The following TENM4 variants were observed in gnomAD, a reference collection of about 807,000 sequenced individuals.
TENM4 encodes teneurin-4.
A neutral mutation model predicts 243.3 loss-of-function variants in TENM4; 82 were observed. The ratio of observed to expected loss-of-function variants is 0.34; its 90% CI spans 0.28 to 0.40. The LOEUF is 0.40. Among genes scored for constraint, TENM4 ranks in the 10% least tolerant of loss-of-function variants. TENM4 has a pLI of 1.00. For missense variants in TENM4, 3,138 were observed against 3,673.3 expected (o/e 0.85, Z 3.77); for synonymous variants, 1,412 against 1,456.3 (o/e 0.97, Z 0.69).
chr11:79,052,828 A>G (rs986344972), intron 6 of TENM4, among the ~76,000 whole-genome samples: 1 of 152,256 alleles, frequency 6.6e-6, no homozygotes, highest in Non-Finnish European at 1.5e-5. Flanking sequence ...CCTCCCACAG[A>G]CTATTCTGGA....
chr11:79,420,410 C>T (rs954078154), intron 1 of TENM4, among the ~76,000 whole-genome samples: 3 of 152,212 alleles, frequency 2.0e-5, no homozygotes, highest in Non-Finnish European at 4.4e-5. Context: ...GAACCATAAT[C>T]AGAACCCTAC....
chr11:78,919,478 A>T (rs948160077), intron 6 of TENM4, among the ~76,000 whole-genome samples: 1 of 152,116 alleles, frequency 6.6e-6, no homozygotes, highest in African/African-American at 2.4e-5. Flanking sequence ...CAAATATGTG[A>T]CTTTGGTCAG....
intron 3 of TENM4, among the ~76,000 whole-genome samples, chr11:79,182,680 G>A (rs745434297): frequency 1.8e-4 from 27 of 152,088 alleles, no homozygotes; most frequent in Middle Eastern, 6.8e-3. Flanking sequence ...ATCTAGTGAA[G>A]GACTGTTAGC....
chr11:78,987,046 A>G (rs1857935607), intron 6 of TENM4, among the ~76,000 whole-genome samples: 1 of 152,204 alleles, frequency 6.6e-6, no homozygotes, highest in Admixed American at 6.5e-5. Flanking sequence ...GGCTTAATAC[A>G]TTTTAGGTAT....
intron 27 of TENM4, among the ~76,000 whole-genome samples, chr11:78,704,157 GTCTATATATATATATA>G (rs1456237746): frequency 2.8e-5 from 2 of 70,536 alleles, no homozygotes; most frequent in African/African-American, 1.2e-4. Flanking sequence ...ATGTATGTGT[GTCTATATATATATATA>G]TATATATATA....
At chr11:79,274,340 T>C (rs979328982) in intron 2 of TENM4, among the ~76,000 whole-genome samples, 1 of 152,254 alleles carries the variant, frequency 6.6e-6, no homozygotes, top group Admixed American at 6.5e-5. Flanking sequence ...AAGGCTGAGA[T>C]GACATGCTGG....
intron 4 of TENM4, among the ~76,000 whole-genome samples, chr11:79,108,249 T>A (rs1186317090): frequency 6.6e-6 from 1 of 152,204 alleles, no homozygotes; most frequent in Non-Finnish European, 1.5e-5. Flanking sequence ...CAATTGACTT[T>A]AGGTAAAGGA....
At chr11:79,253,173 C>A (rs1340031453) in intron 2 of TENM4, among the ~76,000 whole-genome samples, 1 of 152,202 alleles carries the variant, frequency 6.6e-6, no homozygotes, top group Non-Finnish European at 1.5e-5. Flanking sequence ...TCAGCAAATG[C>A]TTGTTGGATT....
chr11:79,393,023 C>T (rs1858268848), intron 1 of TENM4, among the ~76,000 whole-genome samples: 1 of 152,092 alleles, frequency 6.6e-6, no homozygotes, highest in East Asian at 1.9e-4. Context: ...TTCCCAAACC[C>T]CCCACAGTGC....
chr11:78,857,086 A>T (rs5009710), intron 10 of TENM4, among the ~76,000 whole-genome samples: 36,926 of 152,050 alleles, frequency 0.24, 4,915 homozygotes, highest in Middle Eastern at 0.35. Flanking sequence ...TGTGAAAAAT[A>T]CAAACCCTAA....
chr11:79,327,732 CAT>C (rs995306509), intron 1 of TENM4, among the ~76,000 whole-genome samples: 2 of 135,652 alleles, frequency 1.5e-5, no homozygotes, highest in Admixed American at 1.6e-4. Context: ...AATGGAAAAA[CAT>C]AGTGGCGAAA....
chr11:79,241,714 G>A (rs957115224), intron 2 of TENM4, among the ~76,000 whole-genome samples: 1 of 152,176 alleles, frequency 6.6e-6, no homozygotes, highest in Non-Finnish European at 1.5e-5. Flanking sequence ...GTTCACATGT[G>A]AGCGTGTGTG....
chr11:79,217,783 C>T lies in TENM4; in HGVS notation c.-264-1874G>A, dbSNP rs145997606. 8.4e-3 allele frequency among the ~76,000 whole-genome samples: 1,280 copies of T among 151,704 alleles called. 24 individuals are homozygous for T. Among genetic ancestry groups the T allele is most frequent in the African/African-American group, 0.029 (1,216 of 41,300 alleles). ...TGTGGCCCAGGCTGGAGTGCAGTGG[C>T]ATGATCTCAGCTCACTGCAACCTCC... On this transcript the variant is annotated intron_variant, in intron 2 of 33. Coordinates refer to ENST00000278550, the MANE Select transcript of TENM4 (RefSeq NM_001098816.3).
At chr11:79,380,493 G>A (rs1857979079) in intron 1 of TENM4, among the ~76,000 whole-genome samples, 1 of 152,170 alleles carries the variant, frequency 6.6e-6, no homozygotes, top group South Asian at 2.1e-4. Context: ...ATCTATTTCA[G>A]TGTTTACTGA....
At position 78,966,021 on chromosome 11, in the gene TENM4, T is replaced by G. The variant is rs149119568; in HGVS notation, c.494-62498A>C. Among the ~76,000 whole-genome samples, 352 of 152,248 alleles carry G rather than the reference T, an allele frequency of 2.3e-3. 1 individual carries two copies. The highest frequency in any genetic ancestry group is 8.1e-3 in the African/African-American group (338 of 41,536). On this transcript the variant is annotated intron_variant, in intron 6 of 33. Coordinates refer to ENST00000278550, the MANE Select transcript of TENM4 (RefSeq NM_001098816.3). ...TTGGAATATGTGTATGAAAATGCAC[T>G]GCTGTACCAATCCAGCATGTACCGG... is the stretch of plus-strand genomic sequence containing the variant.
At position 78,763,251 on chromosome 11, in the gene TENM4, C is replaced by T. The variant is rs530870725; in HGVS notation, c.2540-6230G>A. 2.0e-5 allele frequency among the ~76,000 whole-genome samples: 3 copies of T among 152,306 alleles called. No individual in the cohort carries two copies. The South Asian group carries it at 6.2e-4, about 32-fold the overall frequency. ...TTTCCTCATAGTTCTAAACACACAC[C>T]CCCTTTTACATGGTGACAGTGAAAA... On this transcript the variant is annotated intron_variant, in intron 18 of 33. Transcript: ENST00000278550.
intron 2 of TENM4, among the ~76,000 whole-genome samples, chr11:79,250,587 T>A (rs967762578): frequency 4.6e-5 from 7 of 152,246 alleles, no homozygotes; most frequent in Non-Finnish European, 8.8e-5. Flanking sequence ...ACTTTTGCTA[T>A]TCTAATGGAG....
chr11:79,379,273 C>G (rs1857954023), intron 1 of TENM4, among the ~76,000 whole-genome samples: 1 of 152,166 alleles, frequency 6.6e-6, no homozygotes, highest in Non-Finnish European at 1.5e-5. Context: ...AAAGAGCTAC[C>G]TCCCAGGCCA....
At chr11:79,215,274 G>A (rs186692183) in intron 3 of TENM4, among the ~76,000 whole-genome samples, 3 of 152,182 alleles carry the variant, frequency 2.0e-5, no homozygotes, top group East Asian at 1.9e-4. Context: ...ATGAGGAAAC[G>A]CTTCTAGAGA....
Sources: allele counts gnomAD v4.1 joint callset (sites outside exome capture counted in the v4.1 genomes callset), GRCh38; gene constraint gnomAD v4.1.1; transcripts MANE v1.5; gene names NCBI Gene and HGNC (gene_info 2026-07-23, HGNC 2026-07-21).